The following PCNX2 variants were observed in gnomAD, a reference collection of about 807,000 sequenced individuals.
The protein encoded by PCNX2 is pecanex-like protein 2.
In PCNX2, 168 loss-of-function variants were observed where a neutral mutation model predicts 223.8. That is an observed-to-expected ratio of 0.75 (90% CI 0.66 to 0.85). PCNX2 has a LOEUF of 0.85. PCNX2 is among the 40% of genes least tolerant of loss of function. The pLI is 0.00. For synonymous variants in PCNX2, 1,006 were observed against 1,052.6 expected (o/e 0.96, Z 0.86); for missense variants, 2,507 against 2,675.5 (o/e 0.94, Z 1.39).
chr1:233,074,594 CAAAAAAAAAA>C (rs531631109), intron 23 of PCNX2, among the ~76,000 whole-genome samples: 2 of 47,702 alleles, frequency 4.2e-5, no homozygotes, highest in South Asian at 1.5e-3. Context: ...GACTCCGTCT[CAAAAAAAAAA>C]AAAAAAAAAA....
At chr1:233,002,314 G>C (rs1406665460) in intron 28 of PCNX2, among the ~76,000 whole-genome samples, 3 of 152,002 alleles carry the variant, frequency 2.0e-5, no homozygotes, top group Non-Finnish European at 4.4e-5. Context: ...AAAGTCTCAG[G>C]ATACAAAATC....
At chr1:233,286,044 C>A (rs1290409189) in intron 1 of PCNX2, among the ~76,000 whole-genome samples, 1 of 152,094 alleles carries the variant, frequency 6.6e-6, no homozygotes, top group Non-Finnish European at 1.5e-5. Context: ...GATTCCAATG[C>A]AAATTTCTGG....
At chr1:233,213,340 T>C (rs1572088301) in intron 12 of PCNX2, among the ~76,000 whole-genome samples, 1 of 152,242 alleles carries the variant, frequency 6.6e-6, no homozygotes, top group East Asian at 1.9e-4. Context: ...GTGCCCTGGA[T>C]GGGAACCTCA....
chr1:233,168,796 TATA>T (rs1398019023), intron 17 of PCNX2, among the ~76,000 whole-genome samples: 9 of 152,152 alleles, frequency 5.9e-5, no homozygotes, highest in Non-Finnish European at 1.2e-4. Flanking sequence ...TCCAGATGAT[TATA>T]ATAATTTACA....
At chr1:233,090,716 C>T (rs1292786555) in intron 22 of PCNX2, among the ~76,000 whole-genome samples, 1 of 152,096 alleles carries the variant, frequency 6.6e-6, no homozygotes, top group Non-Finnish European at 1.5e-5. Flanking sequence ...ATGTTGAACA[C>T]CACTGGTTCA....
intron 1 of PCNX2, among the ~76,000 whole-genome samples, chr1:233,277,322 C>G (rs538963724): frequency 6.6e-6 from 1 of 152,180 alleles, no homozygotes; most frequent in African/African-American, 2.4e-5. Context: ...GTCTCTCAAG[C>G]GCCATTTTAA....
intron 1 of PCNX2, chr1:233,285,096 T>C (rs540256108): frequency 1.2e-6 from 1 of 825,696 alleles, no homozygotes; most frequent in Non-Finnish European, 1.5e-6. Context: ...TTCACGCCTG[T>C]AATCCCAACA....
intron 15 of PCNX2, among the ~76,000 whole-genome samples, chr1:233,197,661 G>A (rs772205893): frequency 8.5e-5 from 13 of 152,074 alleles, no homozygotes; most frequent in Non-Finnish European, 1.8e-4. Context: ...TATATGATAG[G>A]AATAGAAGTA....
chr1:233,013,458 G>A (rs549191412), intron 28 of PCNX2, among the ~76,000 whole-genome samples: 62 of 151,554 alleles, frequency 4.1e-4, no homozygotes, highest in Non-Finnish European at 7.7e-4. Context: ...TTTCAAGAAG[G>A]ACATTTGGAA....
intron 21 of PCNX2, among the ~76,000 whole-genome samples, chr1:233,132,470 G>A (rs1000417202): frequency 3.3e-5 from 5 of 152,222 alleles, no homozygotes; most frequent in South Asian, 2.1e-4. Context: ...GAGGAAAGGC[G>A]GCCTGTGCTC....
At chr1:233,319,882 A>G in the PCNX2 span, among the ~76,000 whole-genome samples, 3 of 152,354 alleles carry the variant, frequency 2.0e-5, 1 homozygote, top group Middle Eastern at 0.01. Context: ...ATTCCATTAC[A>G]TGGTAACATT....
chr1:233,250,407 C>T (rs1227058833), intron 8 of PCNX2, among the ~76,000 whole-genome samples: 2 of 152,060 alleles, frequency 1.3e-5, no homozygotes, highest in Non-Finnish European at 2.9e-5. Flanking sequence ...ATTTCTAGTC[C>T]ACTCCTTGGG....
chr1:233,295,293 A>C lies in PCNX2; in HGVS notation c.153+33T>G. On this transcript the variant is annotated intron_variant, in intron 1 of 33. Transcript: ENST00000258229. The surrounding 1 kb of genome is among the most constrained non-coding windows in gnomAD (Gnocchi z 4.1). ...CTTTCTCCTTCTTCCCTCCATACCC[A>C]CAGCTCCCCGGGACCGGACCCTCCC... is the stretch of plus-strand genomic sequence containing the variant. The C allele has an allele frequency of 6.4e-7, 1 of 1,565,314 alleles. No homozygotes were observed.
chr1:233,062,462 G>A (rs1303290140), intron 23 of PCNX2, among the ~76,000 whole-genome samples: 3 of 151,718 alleles, frequency 2.0e-5, no homozygotes, highest in Admixed American at 2.0e-4. Flanking sequence ...TATAAGTTTT[G>A]CTACGTGACT....
intron 21 of PCNX2, among the ~76,000 whole-genome samples, chr1:233,106,685 G>A (rs1674806703): frequency 6.6e-6 from 1 of 152,084 alleles, no homozygotes; most frequent in Admixed American, 6.6e-5. Context: ...CTGCCCTTGG[G>A]AAATGGGTAT....
intron 21 of PCNX2, among the ~76,000 whole-genome samples, chr1:233,105,031 T>C (rs1265093269): frequency 3.9e-5 from 6 of 152,190 alleles, no homozygotes; most frequent in African/African-American, 1.4e-4. Flanking sequence ...GGAGAAGATA[T>C]TGCCTTAAAA....
intron 13 of PCNX2, among the ~76,000 whole-genome samples, chr1:233,201,013 A>G (rs189135266): frequency 2.1e-5 from 3 of 143,768 alleles, no homozygotes; most frequent in South Asian, 2.3e-4. Context: ...GCGACAGAGC[A>G]AGACTCCGTC....
At position 233,095,783 on chromosome 1, in the gene PCNX2, G is replaced by A. The variant is rs752049591; in HGVS notation, c.3918C>T (p.His1306=). 9.3e-6 allele frequency: 15 copies of A among 1,610,218 alleles called. No homozygotes were observed. The highest frequency in any genetic ancestry group is 1.6e-4 in the Middle Eastern group (1 of 6,082). Residue 1306 remains histidine, a synonymous_variant, in exon 22 of 34, where the codon CAC becomes CAT. Transcript: ENST00000258229. ...GAATGGCAAAGAGCTGAGCAAACAC[G>A]TGAAACGAAGAACCCCAAGCCATCT... ...PWQMAWGSSF[H]VFAQLFAIPH... is the part of the protein sequence containing the mutation.
chr1:233,239,208 C>T (rs889470544), intron 8 of PCNX2, among the ~76,000 whole-genome samples: 3 of 152,078 alleles, frequency 2.0e-5, no homozygotes, highest in African/African-American at 4.8e-5. Flanking sequence ...AAGAAATGTA[C>T]GCTTCTGTGC....
Sources: gnomAD v4.1 joint callset for allele counts (sites outside exome capture counted in the v4.1 genomes callset) on GRCh38, gnomAD v4.1.1 for gene constraint, Gnocchi (gnomAD v3.1) non-coding constraint, MANE v1.5 for transcripts, NCBI Gene and HGNC (gene_info 2026-07-23, HGNC 2026-07-21) for gene names.